MACROD2: variants seen among roughly 807,000 people sequenced by gnomAD.
The protein encoded by MACROD2 is ADP-ribose glycohydrolase MACROD2.
A neutral mutation model predicts 70.4 loss-of-function variants in MACROD2; 36 were observed. That is an observed-to-expected ratio of 0.51 (90% CI 0.39 to 0.68). The LOEUF (loss-of-function observed/expected upper bound fraction) is 0.68, where lower values mean the gene tolerates loss of function less well. Ranked by LOEUF, MACROD2 falls within the 30% of genes least tolerant of loss-of-function variation. The pLI, the probability that MACROD2 is intolerant of heterozygous loss-of-function variation, is 0.00. For missense variants in MACROD2, 496 were observed against 538.4 expected, an observed-to-expected ratio of 0.92 and a Z score of 0.78; for synonymous variants, 172 against 178.8, an observed-to-expected ratio of 0.96 and a Z score of 0.30.
chr20:15,845,234 T>G (rs1017398887), intron 8 of MACROD2, among the ~76,000 whole-genome samples: 9 of 152,136 alleles, frequency 5.9e-5, no homozygotes, highest in African/African-American at 1.9e-4. Context: ...GCTGTTCTTA[T>G]AAGAAGATCA....
intron 5 of MACROD2, among the ~76,000 whole-genome samples, chr20:15,222,316 T>C (rs1033207275): frequency 3.9e-5 from 6 of 152,166 alleles, no homozygotes; most frequent in African/African-American, 1.4e-4. Context: ...TCTTGAAATA[T>C]AATAAAAACA....
intron 8 of MACROD2, among the ~76,000 whole-genome samples, chr20:15,762,347 G>C (rs1463520029): frequency 6.6e-6 from 1 of 152,108 alleles, no homozygotes; most frequent in East Asian, 1.9e-4. Flanking sequence ...TTTGAACTCA[G>C]GTCTGTCTGC....
intron 5 of MACROD2, among the ~76,000 whole-genome samples, chr20:14,857,923 C>T (rs1417282894): frequency 1.3e-5 from 2 of 152,016 alleles, no homozygotes; most frequent in African/African-American, 2.4e-5. Flanking sequence ...CGGGTTCAAG[C>T]GATTCTCCTG....
At chr20:15,261,472 AG>A (rs1329829508) in intron 6 of MACROD2, among the ~76,000 whole-genome samples, 3 of 151,986 alleles carry the variant, frequency 2.0e-5, no homozygotes, top group Non-Finnish European at 4.4e-5. Flanking sequence ...CTTTGACTGA[AG>A]GGCTGAATCA....
intron 8 of MACROD2, among the ~76,000 whole-genome samples, chr20:15,762,447 C>G (rs1381759642): frequency 1.3e-5 from 2 of 152,144 alleles, no homozygotes; most frequent in South Asian, 4.1e-4. Context: ...AATTACTAAC[C>G]ATTCTACCTA....
At chr20:15,543,841 C>G (rs1036318359) in intron 8 of MACROD2, among the ~76,000 whole-genome samples, 1 of 152,200 alleles carries the variant, frequency 6.6e-6, no homozygotes, top group Non-Finnish European at 1.5e-5. Flanking sequence ...TGTCTTTTAT[C>G]CGTTTCCCTG....
chr20:15,111,263 C>A (rs1249951775), intron 5 of MACROD2, among the ~76,000 whole-genome samples: 2 of 151,400 alleles, frequency 1.3e-5, no homozygotes, highest in African/African-American at 4.9e-5. Flanking sequence ...AACTCTGCCA[C>A]CTGGGTTCAA....
intron 5 of MACROD2, among the ~76,000 whole-genome samples, chr20:15,023,333 A>G (rs2075203969): frequency 6.6e-6 from 1 of 152,202 alleles, no homozygotes. Context: ...TTGGGCCACC[A>G]TTCATAGATT....
At chr20:15,986,872 T>C in intron 14 of MACROD2, 71 bp downstream of exon 14, 1 of 1,218,330 alleles carries the variant, frequency 8.2e-7, no homozygotes, top group Non-Finnish European at 1.2e-6. Flanking sequence ...TATATATACC[T>C]GTGTGTGTGC....
At chr20:15,913,469 A>T (rs1229622630) in intron 10 of MACROD2, among the ~76,000 whole-genome samples, 1 of 152,128 alleles carries the variant, frequency 6.6e-6, no homozygotes, top group Non-Finnish European at 1.5e-5. Context: ...GTAAGTCTGC[A>T]ATTATTTTTT....
chr20:14,532,529 A>C (rs2085319657), intron 4 of MACROD2, among the ~76,000 whole-genome samples: 1 of 152,060 alleles, frequency 6.6e-6, no homozygotes, highest in South Asian at 2.1e-4. Context: ...CATTTTTAAC[A>C]AAAAAATTTA....
chr20:15,077,619 C>T (rs766511696), intron 5 of MACROD2, among the ~76,000 whole-genome samples: 13 of 152,208 alleles, frequency 8.5e-5, no homozygotes, highest in Non-Finnish European at 1.6e-4. Context: ...CTGATTTCCT[C>T]CTCTAGAGTA....
At chr20:15,183,966 T>A (rs1000265312) in intron 5 of MACROD2, among the ~76,000 whole-genome samples, 2 of 152,134 alleles carry the variant, frequency 1.3e-5, no homozygotes, top group Non-Finnish European at 2.9e-5. Flanking sequence ...GGAACTAGAC[T>A]GGGTGTGAGG....
At chr20:15,806,509 G>C (rs2063771001) in intron 8 of MACROD2, among the ~76,000 whole-genome samples, 1 of 151,942 alleles carries the variant, frequency 6.6e-6, no homozygotes, top group Non-Finnish European at 1.5e-5. Context: ...ATATGTCTGT[G>C]ATTATTTATT....
chr20:14,033,223 C>T (rs2053267196), intron 2 of MACROD2, among the ~76,000 whole-genome samples: 1 of 151,230 alleles, frequency 6.6e-6, no homozygotes, highest in African/African-American at 2.4e-5. Context: ...CTGTGTTAGT[C>T]ATGTATTAAA....
At chr20:15,109,808 G>A (rs1472652647) in intron 5 of MACROD2, among the ~76,000 whole-genome samples, 1 of 152,100 alleles carries the variant, frequency 6.6e-6, no homozygotes, top group Non-Finnish European at 1.5e-5. Flanking sequence ...GAAAAGTCAA[G>A]CATTTGTTTA....
At chr20:14,151,011 C>A (rs2055012737) in intron 3 of MACROD2, among the ~76,000 whole-genome samples, 2 of 152,144 alleles carry the variant, frequency 1.3e-5, no homozygotes, top group Admixed American at 1.3e-4. Context: ...TATCATTCAG[C>A]ACCAAATAAT....
intron 5 of MACROD2, among the ~76,000 whole-genome samples, chr20:14,836,159 C>A (rs55634871): frequency 0.23 from 34,332 of 151,692 alleles, 4,316 homozygotes; most frequent in East Asian, 0.37. Flanking sequence ...GGTCCGTACT[C>A]AAAAAAAATT....
Position 14,786,204 on chromosome 20 carries a change from T to TAGAGAGAGAGAGAGAGAGAG in MACROD2, c.418+101259_418+101278dup, listed in dbSNP as rs11474711. 1.6e-3 allele frequency among the ~76,000 whole-genome samples: 220 copies of TAGAGAGAGAGAGAGAGAGAG among 135,508 alleles called. 3 individuals carry two copies. The highest frequency in any genetic ancestry group is 3.1e-3 in the African/African-American group (107 of 34,882). The allele number at this position is 135,508 out of a possible 152,430, so 88.9% of individuals were successfully genotyped here. A position where few individuals can be genotyped will look rare whatever the true frequency, so the allele number is the denominator to read the frequency against. On this transcript the variant is annotated intron_variant, in intron 5 of 17. Coordinates refer to ENST00000684519, the MANE Select transcript of MACROD2 (RefSeq NM_001351661.2). ...AGTGTTTGGTTCACTCAGAGAAAGA[T>TAGAGAGAGAGAGAGAGAGAG]AGAGAGAGAGAGAGAGAGAGAGAGA...
Sources: allele counts gnomAD v4.1 joint callset (sites outside exome capture counted in the v4.1 genomes callset), GRCh38; gene constraint gnomAD v4.1.1; transcripts MANE v1.5; gene names NCBI Gene and HGNC (gene_info 2026-07-23, HGNC 2026-07-21).